CACNA2D3: variants seen among roughly 807,000 people sequenced by gnomAD.
CACNA2D3 encodes the protein voltage-dependent calcium channel subunit alpha-2/delta-3.
CACNA2D3 carries 60 observed loss-of-function variants against 160.6 expected under a neutral mutation model. The ratio of observed to expected loss-of-function variants is 0.37; its 90% CI spans 0.30 to 0.46. The LOEUF (loss-of-function observed/expected upper bound fraction) is 0.46, where lower values mean the gene tolerates loss of function less well. CACNA2D3 is among the 20% of genes least tolerant of loss of function. CACNA2D3 has a pLI of 1.00. For synonymous variants in CACNA2D3, 558 were observed against 492.9 expected (o/e 1.13, Z -1.75); for missense variants, 1,205 against 1,365.0 (o/e 0.88, Z 1.85).
intron 32 of CACNA2D3, among the ~76,000 whole-genome samples, chr3:55,007,202 A>G (rs1392688272): frequency 1.3e-5 from 2 of 152,228 alleles, no homozygotes; most frequent in African/African-American, 4.8e-5. Flanking sequence ...CTTCTTTTAT[A>G]GAGTGAAGGA....
chr3:54,420,530 C>T (rs1383220843), intron 4 of CACNA2D3, among the ~76,000 whole-genome samples: 2 of 152,208 alleles, frequency 1.3e-5, no homozygotes, highest in African/African-American at 2.4e-5. Context: ...GTGACATCTC[C>T]TGCCAGGTCC....
rs140217154 is a variant in CACNA2D3 at position 54,575,946 on chromosome 3, G to C, written c.888+5842G>C. Among the ~76,000 whole-genome samples the C allele has an allele frequency of 5.2e-4, 79 of 152,284 alleles. 1 individual carries two copies. In the East Asian group the frequency reaches 0.014, roughly 28 times the overall value. On this transcript the variant is annotated intron_variant, in intron 8 of 37. Transcript: ENST00000474759. ...GGGGGGTGGGTGAATGTGGAGGCAA[G>C]TGGATCCGGTGAGTGATGGTGAAAT...
intron 13 of CACNA2D3, among the ~76,000 whole-genome samples, chr3:54,772,693 A>G (rs1702342244): frequency 1.3e-5 from 2 of 152,232 alleles, no homozygotes; most frequent in Admixed American, 6.5e-5. Flanking sequence ...CAAAACAGCA[A>G]ACACCAGAAT....
At chr3:54,226,183 C>T (rs1367305578) in intron 2 of CACNA2D3, among the ~76,000 whole-genome samples, 1 of 152,134 alleles carries the variant, frequency 6.6e-6, no homozygotes, top group Non-Finnish European at 1.5e-5. Context: ...GATAGCTACT[C>T]TCAGTTAAGC....
chr3:55,000,303 T>C (rs1202259784), intron 31 of CACNA2D3, among the ~76,000 whole-genome samples: 1 of 152,172 alleles, frequency 6.6e-6, no homozygotes. Context: ...CCTGCTGCAA[T>C]ATCTAGTTAA....
intron 2 of CACNA2D3, among the ~76,000 whole-genome samples, chr3:54,250,679 TC>T (rs1264689460): frequency 2.0e-5 from 3 of 152,140 alleles, no homozygotes; most frequent in African/African-American, 7.2e-5. Flanking sequence ...CAAGCAGTCT[TC>T]CCTCCGTCAT....
At position 54,386,784 on chromosome 3, in the gene CACNA2D3, T is replaced by A. The variant is rs749569900; in HGVS notation, c.381+10T>A. The A allele has an allele frequency of 6.3e-7, 1 of 1,586,640 alleles. No homozygotes were observed. Among genetic ancestry groups the A allele is most frequent in the East Asian group, 2.3e-5 (1 of 44,382 alleles). On this transcript the variant is annotated intron_variant, in intron 4 of 37. Coordinates refer to ENST00000474759, the MANE Select transcript of CACNA2D3 (RefSeq NM_018398.3). ...TGATGCAGACTTACAGGTAACTGAT[T>A]ATAGTTTGAGTTAAATTGTTTTGTG...
At chr3:54,925,031 A>G (rs375697268) in intron 27 of CACNA2D3, 236 of 1,614,022 alleles carry the variant, frequency 1.5e-4, no homozygotes, top group Non-Finnish European at 1.9e-4. Flanking sequence ...AAGCAGGAAG[A>G]TGGTGTATCT....
intron 5 of CACNA2D3, among the ~76,000 whole-genome samples, chr3:54,552,016 T>C (rs1702166295): frequency 2.0e-5 from 3 of 152,216 alleles, no homozygotes; most frequent in African/African-American, 7.2e-5. Context: ...AAATGCCATT[T>C]TAGAATCAGA....
intron 3 of CACNA2D3, among the ~76,000 whole-genome samples, chr3:54,329,882 G>T (rs776194628): frequency 2.0e-5 from 3 of 152,186 alleles, no homozygotes; most frequent in Non-Finnish European, 4.4e-5. Flanking sequence ...GGCATTGGTT[G>T]TACTTTTTTG....
chr3:54,145,231 A>G (rs1337700550), intron 2 of CACNA2D3, among the ~76,000 whole-genome samples: 2 of 152,252 alleles, frequency 1.3e-5, no homozygotes, highest in African/African-American at 2.4e-5. Flanking sequence ...GCTAATTAAA[A>G]TGCGGTAAGT....
At chr3:54,891,815 G>A (rs1700076340) in intron 25 of CACNA2D3, among the ~76,000 whole-genome samples, 1 of 152,218 alleles carries the variant, frequency 6.6e-6, no homozygotes. Context: ...CAGCTGTTCT[G>A]CAGCTATGCT....
At chr3:54,782,335 G>A (rs1272509050) in intron 13 of CACNA2D3, among the ~76,000 whole-genome samples, 3 of 152,154 alleles carry the variant, frequency 2.0e-5, no homozygotes, top group African/African-American at 7.2e-5. Flanking sequence ...GAAATGGAAA[G>A]AATAGTGGTG....
chr3:54,694,239 A>G (rs1451664766), intron 11 of CACNA2D3, among the ~76,000 whole-genome samples: 1 of 152,214 alleles, frequency 6.6e-6, no homozygotes, highest in African/African-American at 2.4e-5. Context: ...AGTTGCCTAC[A>G]GTATTCAGTA....
intron 17 of CACNA2D3, among the ~76,000 whole-genome samples, chr3:54,851,574 C>T (rs1034791604): frequency 6.6e-6 from 1 of 152,132 alleles, no homozygotes; most frequent in African/African-American, 2.4e-5. Context: ...GACTGGGATA[C>T]CTGGTCTTTG....
intron 4 of CACNA2D3, among the ~76,000 whole-genome samples, chr3:54,463,396 G>T (rs143453391): frequency 1.2e-4 from 18 of 152,134 alleles, no homozygotes; most frequent in Non-Finnish European, 2.1e-4. Context: ...CATTCTTCCC[G>T]TCACTTTCAG....
intron 4 of CACNA2D3, among the ~76,000 whole-genome samples, chr3:54,403,846 A>G (rs958386557): frequency 2.0e-5 from 3 of 152,200 alleles, no homozygotes; most frequent in African/African-American, 7.2e-5. Flanking sequence ...CTTCATAAGT[A>G]ACTATTAAGA....
intron 9 of CACNA2D3, among the ~76,000 whole-genome samples, chr3:54,582,476 TA>T (rs1359556941): frequency 2.6e-5 from 4 of 152,212 alleles, no homozygotes; most frequent in Non-Finnish European, 5.9e-5. Context: ...TAGACTTCTG[TA>T]AAATAAATCC....
At chr3:54,973,564 C>T (rs1003912071) in intron 29 of CACNA2D3, among the ~76,000 whole-genome samples, 4 of 152,304 alleles carry the variant, frequency 2.6e-5, no homozygotes, top group East Asian at 1.9e-4. Context: ...GGCATTTCCT[C>T]TGGCATCAGA....
Sources: gnomAD v4.1 joint callset for allele counts (sites outside exome capture counted in the v4.1 genomes callset) on GRCh38, gnomAD v4.1.1 for gene constraint, MANE v1.5 for transcripts, NCBI Gene and HGNC (gene_info 2026-07-23, HGNC 2026-07-21) for gene names.